The following LCP1 variants were observed in gnomAD, a reference collection of about 807,000 sequenced individuals.
The protein encoded by LCP1 is plastin-2.
In LCP1, 23 loss-of-function variants were observed where a neutral mutation model predicts 72.0. That is an observed-to-expected ratio of 0.32 (90% CI 0.23 to 0.45). The LOEUF is 0.45. LCP1 is among the 20% of genes least tolerant of loss of function. The probability of loss-of-function intolerance (pLI) is 1.00; values close to 1 mark genes in which losing one functional copy is unlikely to be tolerated. For missense variants in LCP1, 571 were observed against 748.3 expected (o/e 0.76, Z 2.76); for synonymous variants, 245 against 275.4 (o/e 0.89, Z 1.09).
At chr13:46,147,228 A>G (rs1593950617) in intron 9 of LCP1, 125 bp from the exon 10 acceptor site, 1 of 785,914 alleles carries the variant, frequency 1.3e-6, no homozygotes, top group African/African-American at 1.8e-5. Flanking sequence ...CAGACACTTA[A>G]TAACAGCACA....
In LCP1 at chr13:46,159,219, A is replaced by G. The variant is rs139762924; in HGVS notation, c.65-230T>C. 9.2e-4 allele frequency: 498 copies of G among 541,876 alleles called. 2 individuals are homozygous for G. The highest frequency in any genetic ancestry group is 8.7e-3 in the African/African-American group (466 of 53,274). 33.6% of individuals were successfully genotyped at this position (541,876 alleles called of 1,614,324 possible). The stretch of plus-strand genomic sequence containing the variant: ...AAAAGAGTCATAATTTCTATAAGGT[A>G]CCTCTGTTTCCACAAAGAACTCTTA... On this transcript the variant is annotated intron_variant, in intron 2 of 15. Coordinates refer to ENST00000323076, the MANE Select transcript of LCP1 (RefSeq NM_002298.5).
At chr13:46,172,660 T>C (rs1014062746) in intron 1 of LCP1, among the ~76,000 whole-genome samples, 7 of 152,184 alleles carry the variant, frequency 4.6e-5, no homozygotes, top group African/African-American at 1.7e-4. Context: ...TCGTTCTCAC[T>C]AGCTCTTGTT....
chr13:46,132,611 T>C (rs1195137470), intron 14 of LCP1, among the ~76,000 whole-genome samples: 1 of 152,208 alleles, frequency 6.6e-6, no homozygotes, highest in Non-Finnish European at 1.5e-5. Context: ...TTTGCTTTTC[T>C]TTACTGCCTT....
intron 1 of LCP1, among the ~76,000 whole-genome samples, chr13:46,165,524 C>G (rs887907524): frequency 6.6e-6 from 1 of 152,172 alleles, no homozygotes; most frequent in Non-Finnish European, 1.5e-5. Context: ...ATATAGGCAG[C>G]AAACTATACA....
Position 46,142,279 on chromosome 13 carries a change from TA to T in LCP1, c.1502+12del, listed in dbSNP as rs755226531. 2 of 1,611,114 alleles carry T rather than the reference TA, an allele frequency of 1.2e-6. No individual in the cohort carries two copies. The highest frequency in any genetic ancestry group is 1.7e-6 in the Non-Finnish European group (2 of 1,178,076). On this transcript the variant is annotated intron_variant, in intron 13 of 15. Transcript: ENST00000323076. The stretch of plus-strand genomic sequence containing the variant: ...TGTATTCAAGAAAAAGCCACTTCCA[TA>T]AGCTATACTACCTTCTCATTAGCTG...
rs1210591177 is a variant in LCP1 at position 46,148,397 on chromosome 13, A to G, written c.933T>C (p.Asp311=). The G allele has an allele frequency of 6.2e-7, 1 of 1,613,458 alleles. No homozygotes were observed. The highest frequency in any genetic ancestry group is 1.1e-5 in the South Asian group (1 of 91,082). ...HLLEQVAPKG[D]EEGVPAVVID... Reference sequence around the variant, plus strand: ...TAACAACAGCAGGAACACCTTCTTCATCTCCTTTTGGAGCCACCTGCTCAA... The same window carrying G: ...TAACAACAGCAGGAACACCTTCTTCGTCTCCTTTTGGAGCCACCTGCTCAA... The change falls in exon 9 of 16, where the codon GAT becomes GAC. Residue 311 remains aspartate (D), a synonymous_variant. Coordinates refer to ENST00000323076, the MANE Select transcript of LCP1 (RefSeq NM_002298.5).
intron 1 of LCP1, among the ~76,000 whole-genome samples, chr13:46,162,036 T>C (rs1328366849): frequency 9.2e-5 from 14 of 152,232 alleles, no homozygotes; most frequent in African/African-American, 2.9e-4. Context: ...CATAGGTATG[T>C]ATATTCTCAT....
intron 1 of LCP1, among the ~76,000 whole-genome samples, chr13:46,178,453 C>T (rs562255336): frequency 2.0e-5 from 3 of 152,120 alleles, no homozygotes; most frequent in African/African-American, 4.8e-5. Flanking sequence ...GGGAACACCA[C>T]GGCCACAGCA....
chr13:46,127,221 A>T lies in LCP1; in HGVS notation c.*370T>A. 4.0e-6 allele frequency: 1 copy of T among 248,504 alleles called. No individual in the cohort carries two copies. The highest frequency in any genetic ancestry group is 7.8e-6 in the Non-Finnish European group (1 of 127,718). 15.4% of individuals were successfully genotyped at this position (248,504 alleles called of 1,614,324 possible). ...CTCCTGGCCCTCATCTTGAACAAAG[A>T]AAAGGGAAGCCACATGAAGCTGGTT... On this transcript the variant is annotated 3_prime_UTR_variant, in exon 16 of 16. Coordinates refer to ENST00000323076, the MANE Select transcript of LCP1 (RefSeq NM_002298.5).
At chr13:46,149,743 T>G (rs904853219) in intron 8 of LCP1, among the ~76,000 whole-genome samples, 4 of 152,164 alleles carry the variant, frequency 2.6e-5, no homozygotes, top group African/African-American at 9.7e-5. Flanking sequence ...AAATGGTGGT[T>G]CTAGAGAACA....
At chr13:46,149,459 T>C (rs1886040) in intron 8 of LCP1, among the ~76,000 whole-genome samples, 88,196 of 152,090 alleles carry the variant, frequency 0.58, 26,653 homozygotes, top group African/African-American at 0.77. Context: ...CTGCCTGCCC[T>C]GGGTTACATC....
At chr13:46,132,954 T>C (rs1269964387) in intron 14 of LCP1, among the ~76,000 whole-genome samples, 1 of 152,072 alleles carries the variant, frequency 6.6e-6, no homozygotes, top group Non-Finnish European at 1.5e-5. Flanking sequence ...CTCCCCCTAA[T>C]CCTGACCTTC....
At chr13:46,136,169 T>C (rs1463906323) in intron 13 of LCP1, among the ~76,000 whole-genome samples, 1 of 150,954 alleles carries the variant, frequency 6.6e-6, no homozygotes, top group African/African-American at 2.4e-5. Context: ...CAGGCACACC[T>C]CCATCCTCCT....
At chr13:46,148,852 G>A in intron 8 of LCP1, 1 of 847,480 alleles carries the variant, frequency 1.2e-6, no homozygotes, top group Non-Finnish European at 1.4e-6. Flanking sequence ...GGAAGCACAA[G>A]TTTAAAGCGA....
At chr13:46,158,685 G>T in intron 3 of LCP1, 34 bp from the exon 4 acceptor site, 1 of 1,613,048 alleles carries the variant, frequency 6.2e-7, no homozygotes, top group Non-Finnish European at 8.5e-7. Flanking sequence ...AGAAACTCAA[G>T]CAGTGATCAA....
chr13:46,134,703 T>C (rs565359922), intron 13 of LCP1, among the ~76,000 whole-genome samples: 1 of 152,344 alleles, frequency 6.6e-6, no homozygotes, highest in African/African-American at 2.4e-5. Flanking sequence ...CTGACAAAGA[T>C]AATCTTTAGT....
rs79427886 is a variant in LCP1 at position 46,161,961 on chromosome 13, A to G, written c.-24-2275T>C. On this transcript the variant is annotated intron_variant, in intron 1 of 15. Coordinates refer to ENST00000323076, the MANE Select transcript of LCP1 (RefSeq NM_002298.5). ...TTCACACAGGCTTTAAGAAGAGGCC[A>G]TTTGTGGGATGGGGTAAACACAGGT... Among the ~76,000 whole-genome samples the G allele has an allele frequency of 5.3e-3, 809 of 152,302 alleles. 4 individuals carry two copies. The highest frequency in any genetic ancestry group is 0.019 in the African/African-American group (780 of 41,562).
At position 46,126,734 on chromosome 13, in the gene LCP1, A is replaced by C. The variant is rs945049699; in HGVS notation, c.*857T>G. 8.6e-6 allele frequency: 2 copies of C among 231,280 alleles called. No homozygotes were observed. The highest frequency in any genetic ancestry group is 4.4e-5 in the African/African-American group (2 of 45,242). The allele number at this position is 231,280 out of a possible 1,614,324, so 14.3% of individuals were successfully genotyped here. ...CTAAAGGATGCTTAGTTATAGCTCC[A>C]TGCTGCCGCCGAGTGGCTTGATGCT... On this transcript the variant is annotated 3_prime_UTR_variant, in exon 16 of 16. Transcript: ENST00000323076.
At chr13:46,167,150 A>G (rs1197413050) in intron 1 of LCP1, among the ~76,000 whole-genome samples, 2 of 152,036 alleles carry the variant, frequency 1.3e-5, no homozygotes, top group African/African-American at 2.4e-5. Context: ...AGGTAGGGGG[A>G]AGGCTATTCA....
Sources: allele counts gnomAD v4.1 joint callset (sites outside exome capture counted in the v4.1 genomes callset), GRCh38; gene constraint gnomAD v4.1.1; transcripts MANE v1.5; gene names NCBI Gene and HGNC (gene_info 2026-07-23, HGNC 2026-07-21).